Variants in TCAF1 observed in about 807,000 individuals in gnomAD.
TCAF1 encodes TRPM8 channel associated factor 1, also known as TRPM8 channel-associated factor 1.
Under a neutral mutation model 27.3 loss-of-function variants are expected in TCAF1, and 4 were observed. The ratio of observed to expected loss-of-function variants is 0.15; its 90% CI spans 0.07 to 0.34. The LOEUF is 0.34. Ranked by LOEUF, TCAF1 falls within the 10% of genes least tolerant of loss-of-function variation. The probability of loss-of-function intolerance (pLI) is 1.00; values close to 1 mark genes in which losing one functional copy is unlikely to be tolerated. For missense variants in TCAF1, 257 were observed against 425.8 expected (o/e 0.60, Z 3.49); for synonymous variants, 105 against 167.1 (o/e 0.63, Z 2.87).
chr7:143,876,312 T>C lies in TCAF1; in HGVS notation c.297A>G (p.Ala99=). The C allele has an allele frequency of 6.2e-7, 1 of 1,614,148 alleles. No individual in the cohort carries two copies. Among genetic ancestry groups the C allele is most frequent in the Non-Finnish European group, 8.5e-7 (1 of 1,180,032 alleles). ...AGCCCTCGAGGATTTTGGCCAAAGG[T>C]GCCAGGGATGGGTGTACACCAATGG... is the stretch of plus-strand genomic sequence containing the variant. The part of the protein sequence containing the change: ...GAPIGVHPSL[A]PLAKILEGSG... Residue 99 remains alanine (A), a synonymous_variant, in exon 2 of 9, where the codon GCA becomes GCG. Transcript: ENST00000479870.
intron 1 of TCAF1, among the ~76,000 whole-genome samples, chr7:143,899,817 C>A (rs1586806397): frequency 6.6e-6 from 1 of 152,064 alleles, no homozygotes; most frequent in East Asian, 1.9e-4. Flanking sequence ...AACAAACAAT[C>A]CAATACAAAA....
chr7:143,892,594 C>G (rs1813692773), intron 1 of TCAF1, among the ~76,000 whole-genome samples: 1 of 146,556 alleles, frequency 6.8e-6, no homozygotes, highest in Non-Finnish European at 1.5e-5. Flanking sequence ...GTGGTGCGAT[C>G]TTGGCTCACT....
chr7:143,894,521 A>C (rs1813787244), intron 1 of TCAF1, among the ~76,000 whole-genome samples: 2 of 151,834 alleles, frequency 1.3e-5, no homozygotes, highest in African/African-American at 4.8e-5. Context: ...TGTCTATATA[A>C]AAACCAATGA....
At chr7:143,868,452 GA>G (rs1213815320) in intron 2 of TCAF1, among the ~76,000 whole-genome samples, 2 of 140,482 alleles carry the variant, frequency 1.4e-5, no homozygotes, top group Non-Finnish European at 3.1e-5. Context: ...GATATTTTAG[GA>G]TTTTTTTTTA....
Position 143,876,122 on chromosome 7 carries a change from C to T in TCAF1, c.487G>A (p.Asp163Asn). Residue 163 changes from aspartate (D) to asparagine (N), a missense_variant, in exon 2 of 9, where the codon GAT becomes AAT. By Grantham distance (23) the Asp-to-Asn change is conservative. This residue lies in a region of TCAF1 where 255 missense variants were observed against 260.1 expected (regional missense o/e 0.98). Transcript: ENST00000479870. ...QAWDWANQGEDERVLFTFPGN... is the reference protein window; with the variant it reads ...QAWDWANQGENERVLFTFPGN... Reference sequence around the variant, plus strand: ...GGGAACGTGAACAGAACCCTTTCATCCTCCCCCTGGTTGGCCCAATCCCAG... The same window carrying T: ...GGGAACGTGAACAGAACCCTTTCATTCTCCCCCTGGTTGGCCCAATCCCAG... The T allele has an allele frequency of 1.9e-6, 3 of 1,614,198 alleles. 1 individual carries two copies. In the South Asian group the frequency reaches 3.3e-5, roughly 18 times the overall value.
In TCAF1 at chr7:143,876,428, C is replaced by T. The variant is rs769721532; in HGVS notation, c.181G>A (p.Val61Ile). Reference sequence around the variant, plus strand: ...ACCAAGTAGTCCTCATGGGACACGACCACCAGGCGGCCACGGCCATAGGAG... The same window carrying T: ...ACCAAGTAGTCCTCATGGGACACGATCACCAGGCGGCCACGGCCATAGGAG... ...ASSYGRGRLV[V>I]VSHEDYLVEA... is the part of the protein sequence containing the mutation. Residue 61 changes from valine (V) to isoleucine (I), a missense_variant, in exon 2 of 9, where the codon GTC becomes ATC. Transcript: ENST00000479870. The T allele has an allele frequency of 3.1e-6, 5 of 1,611,598 alleles. 1 individual carries two copies. The African/African-American group carries it at 4.0e-5, about 13-fold the overall frequency.
At chr7:143,890,786 C>T (rs148077479) in intron 1 of TCAF1, among the ~76,000 whole-genome samples, 3 of 152,176 alleles carry the variant, frequency 2.0e-5, no homozygotes, top group African/African-American at 7.2e-5. Context: ...AGAAACCAGA[C>T]AAGTTAATCT....
chr7:143,889,660 C>T (rs1813557260), intron 1 of TCAF1, among the ~76,000 whole-genome samples: 1 of 152,182 alleles, frequency 6.6e-6, no homozygotes, highest in African/African-American at 2.4e-5. Flanking sequence ...AAAGCAAAAG[C>T]AGATGGGTCA....
At chr7:143,892,636 C>T (rs1238802258) in intron 1 of TCAF1, among the ~76,000 whole-genome samples, 2 of 150,504 alleles carry the variant, frequency 1.3e-5, no homozygotes, top group African/African-American at 4.9e-5. Context: ...CTTGCTTAAA[C>T]CCAATATTTA....
chr7:143,886,120 TAACCTGGAGAGCTCAACTGTAA>T (rs1348327914), intron 1 of TCAF1, among the ~76,000 whole-genome samples: 1 of 152,212 alleles, frequency 6.6e-6, no homozygotes, highest in Non-Finnish European at 1.5e-5. Flanking sequence ...TCTACTCATC[TAACCTGGAGAGCTCAACTGTAA>T]AACCTGGAGG....
At chr7:143,875,688 A>T (rs1405712206) in intron 2 of TCAF1, among the ~76,000 whole-genome samples, 1 of 152,268 alleles carries the variant, frequency 6.6e-6, no homozygotes, top group East Asian at 1.9e-4. Flanking sequence ...AACCATCTGG[A>T]TTAACTATGC....
intron 1 of TCAF1, among the ~76,000 whole-genome samples, chr7:143,879,432 T>C (rs1033403015): frequency 3.3e-5 from 5 of 152,204 alleles, no homozygotes; most frequent in South Asian, 2.1e-4. Context: ...AGGCTAATAA[T>C]GTTTAATACT....
Position 143,876,108 on chromosome 7 carries a change from C to T in TCAF1, c.501G>A (p.Leu167=). 1 of 1,614,192 alleles carries T rather than the reference C, an allele frequency of 6.2e-7. No homozygotes were observed. Among genetic ancestry groups the T allele is most frequent in the Non-Finnish European group, 8.5e-7 (1 of 1,180,036 alleles). The change falls in exon 2 of 9, where the codon CTG becomes CTA. Residue 167 remains leucine (L), a synonymous_variant. Transcript: ENST00000479870. The stretch of plus-strand genomic sequence containing the variant: ...TCACGAGGTTCCCAGGGAACGTGAA[C>T]AGAACCCTTTCATCCTCCCCCTGGT... ...WANQGEDERV[L]FTFPGNLVTS...
intron 1 of TCAF1, among the ~76,000 whole-genome samples, chr7:143,886,253 C>T (rs1813399462): frequency 6.6e-6 from 1 of 152,186 alleles, no homozygotes; most frequent in South Asian, 2.1e-4. Flanking sequence ...GCCCTGGCCC[C>T]TGTTTGCTGG....
rs778810505 is a variant in TCAF1 at position 143,857,360 on chromosome 7, G to GA, written c.2506-11dup. 1.4e-6 allele frequency: 1 copy of GA among 699,680 alleles called. No homozygotes were observed. Among genetic ancestry groups the GA allele is most frequent in the Non-Finnish European group, 2.5e-6 (1 of 403,822 alleles). 43.3% of individuals were successfully genotyped at this position (699,680 alleles called of 1,614,324 possible). A position where few individuals can be genotyped will look rare whatever the true frequency, so the allele number is the denominator to read the frequency against. On this transcript the variant is annotated splice_polypyrimidine_tract_variant and intron_variant, in intron 7 of 8. Coordinates refer to ENST00000479870, the MANE Select transcript of TCAF1 (RefSeq NM_014719.3). ...CAAAGGCTTCCTGGAGCTGGGAAGAGAAAGAAAAATACAGATCAGATTTGG... is the reference window on the plus strand; with the variant it reads ...CAAAGGCTTCCTGGAGCTGGGAAGAGAAAAGAAAAATACAGATCAGATTTGG...
chr7:143,886,587 CA>C (rs533649590), intron 1 of TCAF1: 54 of 949,626 alleles, frequency 5.7e-5, no homozygotes, highest in Middle Eastern at 1.1e-3. Flanking sequence ...GATCATTCCT[CA>C]AAAAAACAAA....
rs929294073 is a variant in TCAF1 at position 143,885,341 on chromosome 7, G to C, written c.-14-8719C>G. 11 of 984,906 alleles carry C rather than the reference G, an allele frequency of 1.1e-5. No individual in the cohort carries two copies. The African/African-American group carries it at 1.2e-4, about 11-fold the overall frequency. 61.0% of individuals were successfully genotyped at this position (984,906 alleles called of 1,614,324 possible). ...GTGAAGTGGCTAGGAGGAGGCGTGT[G>C]GGGGGAGGTGGGCTGCAGTGCAGAC... On this transcript the variant is annotated intron_variant, in intron 1 of 8. Coordinates refer to ENST00000479870, the MANE Select transcript of TCAF1 (RefSeq NM_014719.3).
chr7:143,875,625 T>C (rs1043619457), intron 2 of TCAF1, among the ~76,000 whole-genome samples: 1 of 152,170 alleles, frequency 6.6e-6, no homozygotes, highest in African/African-American at 2.4e-5. Context: ...ATGGGGTCCT[T>C]CATGCCTGTT....
intron 1 of TCAF1, among the ~76,000 whole-genome samples, chr7:143,887,375 T>A (rs1203111938): frequency 6.6e-6 from 1 of 152,124 alleles, no homozygotes; most frequent in African/African-American, 2.4e-5. Flanking sequence ...AGGGAAAAAA[T>A]TCTATAATTG....
Sources: allele counts gnomAD v4.1 joint callset (sites outside exome capture counted in the v4.1 genomes callset), GRCh38; gene constraint gnomAD v4.1.1; regional missense constraint gnomAD v4.1.1; transcripts MANE v1.5; gene names NCBI Gene and HGNC (gene_info 2026-07-23, HGNC 2026-07-21).